The following KLHL29 variants were observed in gnomAD, a reference collection of about 807,000 sequenced individuals.
KLHL29 encodes the protein kelch-like protein 29.
Under a neutral mutation model 80.4 loss-of-function variants are expected in KLHL29, and 21 were observed. The observed-to-expected ratio is 0.26, with a 90% CI of 0.19 to 0.38. The LOEUF (loss-of-function observed/expected upper bound fraction) is 0.38. KLHL29 is among the 10% of genes least tolerant of loss of function. The pLI is 1.00. For synonymous variants in KLHL29, 511 were observed against 526.8 expected (o/e 0.97, Z 0.41); for missense variants, 867 against 1,223.9 (o/e 0.71, Z 4.35).
At chr2:23,556,663 A>G (rs1333349338) in intron 2 of KLHL29, among the ~76,000 whole-genome samples, 1 of 151,712 alleles carries the variant, frequency 6.6e-6, no homozygotes, top group Non-Finnish European at 1.5e-5. Context: ...AAAAAAAAAA[A>G]AACAGAAAGA....
chr2:23,570,657 T>C (rs1667695768), intron 3 of KLHL29, among the ~76,000 whole-genome samples: 1 of 152,140 alleles, frequency 6.6e-6, no homozygotes, highest in South Asian at 2.1e-4. Context: ...CATTCCATGT[T>C]CTTAATTTTT....
chr2:23,496,791 G>A (rs1279693709), intron 2 of KLHL29, among the ~76,000 whole-genome samples: 1 of 152,210 alleles, frequency 6.6e-6, no homozygotes, highest in Non-Finnish European at 1.5e-5. Flanking sequence ...CAGACCCAGG[G>A]ACTCAGACTT....
In KLHL29 at chr2:23,512,314, A is replaced by G. The variant is rs1489367094; in HGVS notation, c.-46+36647A>G. Among the ~76,000 whole-genome samples the G allele has an allele frequency of 2.0e-5, 3 of 152,168 alleles. No homozygotes were observed. In the South Asian group the frequency reaches 6.2e-4, roughly 32 times the overall value. On this transcript the variant is annotated intron_variant, in intron 2 of 13. Transcript: ENST00000486442. ...TACAAAATTAGCTGGGCATGGTGGC[A>G]TATCCCTGTAATCCCAGCTACTTGG... is the stretch of plus-strand genomic sequence containing the variant.
chr2:23,705,842 G>A (rs994199167), intron 13 of KLHL29, among the ~76,000 whole-genome samples: 1 of 152,200 alleles, frequency 6.6e-6, no homozygotes, highest in African/African-American at 2.4e-5. Context: ...GGGAGTCAGT[G>A]CAGAGAGGGG....
chr2:23,480,813 G>A (rs914663501), intron 2 of KLHL29, among the ~76,000 whole-genome samples: 2 of 152,116 alleles, frequency 1.3e-5, no homozygotes, highest in Non-Finnish European at 2.9e-5. Context: ...TGAACTCTAC[G>A]GGCTGTTAGA....
Position 23,507,930 on chromosome 2 carries a change from C to T in KLHL29, c.-46+32263C>T, listed in dbSNP as rs568653090. 3.9e-5 allele frequency among the ~76,000 whole-genome samples: 6 copies of T among 152,318 alleles called. No individual in the cohort carries two copies. In the East Asian group the frequency reaches 1.2e-3, roughly 29 times the overall value. ...CTTACATGTTTGCCATAATGATTGC[C>T]AATCAAACTGGGAATGTTTAGCAGA... is the stretch of plus-strand genomic sequence containing the variant. On this transcript the variant is annotated intron_variant, in intron 2 of 13. Transcript: ENST00000486442.
chr2:23,519,277 C>T (rs1230325743), intron 2 of KLHL29, among the ~76,000 whole-genome samples: 1 of 152,172 alleles, frequency 6.6e-6, no homozygotes, highest in Admixed American at 6.5e-5. Context: ...GATCCAGCTC[C>T]TATGTTGTCA....
chr2:23,442,337 C>G (rs1663551886), intron 1 of KLHL29, among the ~76,000 whole-genome samples: 1 of 152,142 alleles, frequency 6.6e-6, no homozygotes, highest in Non-Finnish European at 1.5e-5. Flanking sequence ...AAGTGATCCT[C>G]CCATCTCTGC....
At chr2:23,440,844 G>A (rs1284616634) in intron 1 of KLHL29, among the ~76,000 whole-genome samples, 1 of 152,296 alleles carries the variant, frequency 6.6e-6, no homozygotes, top group Non-Finnish European at 1.5e-5. Flanking sequence ...TGCTGGAGAG[G>A]ATGTGGAGAA....
intron 3 of KLHL29, among the ~76,000 whole-genome samples, chr2:23,594,839 T>C (rs1392655124): frequency 1.3e-5 from 2 of 152,224 alleles, no homozygotes; most frequent in Non-Finnish European, 2.9e-5. Flanking sequence ...AAATGGGTTT[T>C]AATTTTATAT....
chr2:23,475,508 A>G (rs989307697), intron 1 of KLHL29, 52 bp from the exon 2 acceptor site: 1 of 166,250 alleles, frequency 6.0e-6, no homozygotes, highest in East Asian at 1.9e-4. Flanking sequence ...AAAAGAAAAA[A>G]AATTAGACCT....
In KLHL29 at chr2:23,706,645, A is replaced by C; in HGVS notation, c.2609A>C (p.Lys870Thr). 5 of 1,530,014 alleles carry C rather than the reference A, an allele frequency of 3.3e-6. No homozygotes were observed. The highest frequency in any genetic ancestry group is 3.5e-6 in the Non-Finnish European group (4 of 1,142,112). The allele number at this position is 1,530,014 out of a possible 1,614,324, so 94.8% of individuals were successfully genotyped here. The change falls in exon 14 of 14, where the codon AAA (lysine) becomes ACA (threonine). Residue 870 changes from lysine (K) to threonine (T), a missense_variant. Around this residue, in one of 2 missense-constraint regions of KLHL29, gnomAD observed 443 missense variants for 767.0 expected, o/e 0.58. Coordinates refer to ENST00000486442, the MANE Select transcript of KLHL29 (RefSeq NM_052920.2). Reference sequence around the variant, plus strand: ...AGACACGGCTGCGTCGTGATAAAGAAATATATTCAAAGCGGCTGACATCAG... The same window carrying C: ...AGACACGGCTGCGTCGTGATAAAGACATATATTCAAAGCGGCTGACATCAG... ...VFRHGCVVIK[K>T]YIQSG
At chr2:23,482,593 T>A (rs530913459) in intron 2 of KLHL29, among the ~76,000 whole-genome samples, 3 of 152,368 alleles carry the variant, frequency 2.0e-5, no homozygotes, top group African/African-American at 7.2e-5. Context: ...TGAGTGACCA[T>A]GCTCTGAAAT....
At chr2:23,417,026 A>AT (rs1666994265) in intron 1 of KLHL29, among the ~76,000 whole-genome samples, 1 of 151,794 alleles carries the variant, frequency 6.6e-6, no homozygotes, top group Non-Finnish European at 1.5e-5. Context: ...TTCCTATCTC[A>AT]TGGCCCTGAC....
chr2:23,531,587 C>G (rs1300479258), intron 2 of KLHL29, among the ~76,000 whole-genome samples: 2 of 152,164 alleles, frequency 1.3e-5, no homozygotes, highest in African/African-American at 4.8e-5. Flanking sequence ...CCGGAACTTT[C>G]CCTAGAACCA....
intron 1 of KLHL29, among the ~76,000 whole-genome samples, chr2:23,460,420 AG>A (rs979983763): frequency 6.6e-6 from 1 of 152,092 alleles, no homozygotes; most frequent in Non-Finnish European, 1.5e-5. Context: ...GTCATGATGT[AG>A]GGGGGAAGGG....
chr2:23,549,851 A>G (rs965690838), intron 2 of KLHL29, among the ~76,000 whole-genome samples: 10 of 152,242 alleles, frequency 6.6e-5, no homozygotes, highest in Admixed American at 2.6e-4. Flanking sequence ...GGCTGCTTGC[A>G]TGGCGGGCAG....
At chr2:23,471,715 G>A (rs570789276) in intron 1 of KLHL29, among the ~76,000 whole-genome samples, 1 of 152,248 alleles carries the variant, frequency 6.6e-6, no homozygotes, top group African/African-American at 2.4e-5. Flanking sequence ...GAAATTAGTG[G>A]AAGGGAAAAG....
At chr2:23,524,207 AC>A (rs760730656) in intron 2 of KLHL29, 5 of 311,218 alleles carry the variant, frequency 1.6e-5, no homozygotes, top group Non-Finnish European at 3.3e-5. Context: ...TGGCAGAGCC[AC>A]CCAGGCCCAA....
Sources: gnomAD v4.1 joint callset for allele counts (sites outside exome capture counted in the v4.1 genomes callset) on GRCh38, gnomAD v4.1.1 for gene constraint, gnomAD v4.1.1 regional missense constraint, MANE v1.5 for transcripts, NCBI Gene and HGNC (gene_info 2026-07-23, HGNC 2026-07-21) for gene names.